Variants in PDE8B observed in about 807,000 individuals in gnomAD.
PDE8B encodes high affinity cAMP-specific and IBMX-insensitive 3',5'-cyclic phosphodiesterase 8B.
In PDE8B, 26 loss-of-function variants were observed where a neutral mutation model predicts 101.3. The observed-to-expected ratio is 0.26, with a 90% CI of 0.19 to 0.36. PDE8B has a LOEUF of 0.36. Among genes scored for constraint, PDE8B ranks in the 10% least tolerant of loss-of-function variants. The pLI, the probability that PDE8B is intolerant of heterozygous loss-of-function variation, is 1.00. For synonymous variants in PDE8B, 424 were observed against 429.3 expected (o/e 0.99, Z 0.15); for missense variants, 810 against 1,163.1 (o/e 0.70, Z 4.42).
chr5:77,300,924 T>C (rs1769782048), intron 1 of PDE8B, among the ~76,000 whole-genome samples: 1 of 152,226 alleles, frequency 6.6e-6, no homozygotes, highest in Non-Finnish European at 1.5e-5. Context: ...GCATTTGCAT[T>C]TTGTGGCTGA....
chr5:77,307,728 T>G (rs1051236148), intron 1 of PDE8B, among the ~76,000 whole-genome samples: 1 of 152,190 alleles, frequency 6.6e-6, no homozygotes, highest in Non-Finnish European at 1.5e-5. Context: ...CAGTTAAAAC[T>G]ACGCTGTAGT....
At chr5:77,199,857 T>A in the PDE8B span, among the ~76,000 whole-genome samples, 1 of 152,336 alleles carries the variant, frequency 6.6e-6, no homozygotes, top group South Asian at 2.1e-4. Context: ...TTGTTATTAT[T>A]TTTCTGCCAG....
intron 10 of PDE8B, among the ~76,000 whole-genome samples, chr5:77,378,391 A>G (rs1256350765): frequency 1.4e-5 from 2 of 142,660 alleles, no homozygotes; most frequent in Non-Finnish European, 3.0e-5. Flanking sequence ...CCCAGGAGGC[A>G]GAGGTTGCAG....
At chr5:77,358,474 C>G in intron 10 of PDE8B, 1 of 983,050 alleles carries the variant, frequency 1.0e-6, no homozygotes, top group Non-Finnish European at 1.2e-6. Flanking sequence ...CGCCTTAGGG[C>G]GGGGACTGTG....
chr5:77,139,134 CAG>C, the PDE8B span: 1 of 152,266 alleles, frequency 6.6e-6, no homozygotes, highest in Non-Finnish European at 1.5e-5. Context: ...AGTTAGAACA[CAG>C]AGGTCTTGGG....
chr5:77,311,141 G>A (rs1772513448), intron 1 of PDE8B, among the ~76,000 whole-genome samples: 1 of 87,486 alleles, frequency 1.1e-5, no homozygotes, highest in Non-Finnish European at 2.7e-5. Flanking sequence ...AATGACCACA[G>A]TCTCTTAGAG....
chr5:77,236,964 T>C (rs145102501), intron 1 of PDE8B, among the ~76,000 whole-genome samples: 6 of 152,330 alleles, frequency 3.9e-5, no homozygotes, highest in African/African-American at 1.4e-4. Flanking sequence ...AGCTCCGTTG[T>C]TTGCTAATTG....
At chr5:77,324,008 T>C (rs1222746314) in intron 2 of PDE8B, among the ~76,000 whole-genome samples, 1 of 152,148 alleles carries the variant, frequency 6.6e-6, no homozygotes, top group Non-Finnish European at 1.5e-5. Context: ...GTAATAGTAA[T>C]GATTGGACAA....
the PDE8B span, among the ~76,000 whole-genome samples, chr5:77,194,412 T>C: frequency 6.6e-6 from 1 of 152,252 alleles, no homozygotes; most frequent in African/African-American, 2.4e-5. Flanking sequence ...GTGAATCACA[T>C]TGACTTTTTT....
In PDE8B at chr5:77,327,311, A is replaced by C. The variant is rs1411731947; in HGVS notation, c.590+1582A>C. ...AGTCCTCTCATCCAGGAAGAGGCCT[A>C]GGTCTCTCTTACCATACCGGTTCCT... On this transcript the variant is annotated intron_variant, in intron 3 of 21. Transcript: ENST00000264917. 2.6e-5 allele frequency among the ~76,000 whole-genome samples: 4 copies of C among 152,330 alleles called. No individual in the cohort carries two copies. The East Asian group carries it at 7.7e-4, about 29-fold the overall frequency.
chr5:77,291,694 G>A, intron 1 of PDE8B: 2 of 1,594,982 alleles, frequency 1.3e-6, no homozygotes, highest in East Asian at 2.2e-5. Flanking sequence ...CACACTGGTG[G>A]TGGCAGGGAA....
At chr5:77,305,222 G>T (rs999440464) in intron 1 of PDE8B, among the ~76,000 whole-genome samples, 1 of 152,206 alleles carries the variant, frequency 6.6e-6, no homozygotes, top group African/African-American at 2.4e-5. Context: ...TAGGACCCAG[G>T]CATTGATATA....
Position 77,353,329 on chromosome 5 carries a change from T to G in PDE8B, c.1107-17T>G. The G allele has an allele frequency of 7.2e-7, 1 of 1,393,448 alleles. No individual in the cohort carries two copies. The highest frequency in any genetic ancestry group is 1.0e-6 in the Non-Finnish European group (1 of 978,544). The allele number at this position is 1,393,448 out of a possible 1,614,324, so 86.3% of individuals were successfully genotyped here. Reference sequence around the variant, plus strand: ...ATCTCATATCTGACTCACTAATAACTGATTATTTGTTATTAGGAAAATTAG... The same window carrying G: ...ATCTCATATCTGACTCACTAATAACGGATTATTTGTTATTAGGAAAATTAG... On this transcript the variant is annotated splice_polypyrimidine_tract_variant and intron_variant, in intron 9 of 21. Coordinates refer to ENST00000264917, the MANE Select transcript of PDE8B (RefSeq NM_003719.5).
intron 10 of PDE8B, among the ~76,000 whole-genome samples, chr5:77,380,034 T>C (rs1364404969): frequency 2.0e-5 from 3 of 152,226 alleles, no homozygotes; most frequent in Non-Finnish European, 2.9e-5. Context: ...GCTTAATAAG[T>C]CAACGTTTAA....
At chr5:77,206,665 G>A (rs2972335), upstream of PDE8B, among the ~76,000 whole-genome samples, 24,208 of 151,992 alleles carry the variant, frequency 0.16, 2,306 homozygotes, top group East Asian at 0.42. Flanking sequence ...TAGGGTCTTC[G>A]AGGCACTTAT....
At chr5:77,369,358 T>A (rs1174217630) in intron 10 of PDE8B, among the ~76,000 whole-genome samples, 6 of 151,938 alleles carry the variant, frequency 3.9e-5, no homozygotes, top group African/African-American at 1.5e-4. Flanking sequence ...GACTGTTCCA[T>A]GAATTCCAAG....
At chr5:77,142,581 T>C in the PDE8B span, among the ~76,000 whole-genome samples, 2 of 152,160 alleles carry the variant, frequency 1.3e-5, no homozygotes, top group Admixed American at 1.3e-4. Flanking sequence ...TTTCTCAAGA[T>C]AAAAACAATT....
chr5:77,290,043 T>G (rs1173536903), intron 1 of PDE8B, among the ~76,000 whole-genome samples: 2 of 152,232 alleles, frequency 1.3e-5, no homozygotes, highest in Non-Finnish European at 2.9e-5. Flanking sequence ...TATCTATCAC[T>G]TATCAACTGC....
chr5:77,408,920 GA>G lies in PDE8B; in HGVS notation c.1397del (p.Asn466ThrfsTer6). 1.2e-6 allele frequency: 2 copies of G among 1,613,692 alleles called. No homozygotes were observed. The highest frequency in any genetic ancestry group is 1.7e-6 in the Non-Finnish European group (2 of 1,179,586). On this transcript the variant is annotated frameshift_variant, in exon 14 of 22. Transcript: ENST00000264917. LOFTEE classifies it high-confidence loss of function. ...KVINIINAAQ[E>X]NSPVTVAEAL... ...TATAAATATAATCAATGCAGCCCAA[GA>G]AAACAGCCCAGTCACAGTAGCGGAA...
Sources: allele counts gnomAD v4.1 joint callset (sites outside exome capture counted in the v4.1 genomes callset), GRCh38; gene constraint gnomAD v4.1.1; transcripts MANE v1.5; gene names NCBI Gene and HGNC (gene_info 2026-07-23, HGNC 2026-07-21).